Variants in ADRA1A observed in about 807,000 individuals in gnomAD.
ADRA1A encodes alpha-1A adrenergic receptor.
ADRA1A carries 31 observed loss-of-function variants against 29.6 expected under a neutral mutation model. That is an observed-to-expected ratio of 1.05 (90% CI 0.79 to 1.41). ADRA1A has a LOEUF of 1.41. ADRA1A is among the 40% of genes most tolerant of loss of function. The probability of loss-of-function intolerance (pLI) is 0.00; values close to 1 mark genes in which losing one functional copy is unlikely to be tolerated. For missense variants in ADRA1A, 619 were observed against 601.1 expected (o/e 1.03, Z -0.31); for synonymous variants, 311 against 254.3 (o/e 1.22, Z -2.12).
intron 2 of ADRA1A, among the ~76,000 whole-genome samples, chr8:26,783,975 A>G (rs1333183140): frequency 2.2e-5 from 3 of 137,172 alleles, no homozygotes; most frequent in Admixed American, 2.2e-4. Flanking sequence ...TGGGAGCTGA[A>G]TGAACACAGG....
chr8:26,806,784 A>C lies in ADRA1A; in HGVS notation c.884-36118T>G, dbSNP rs367667757. 6.6e-6 allele frequency among the ~76,000 whole-genome samples: 1 copy of C among 152,188 alleles called. No homozygotes were observed. The highest frequency in any genetic ancestry group is 2.4e-5 in the African/African-American group (1 of 41,434). ...AGCACGTGCAGTGGCTGCTGCTAGA[A>C]GTGGCCTCATGGAACATCCTAGAAA... On this transcript the variant is annotated intron_variant, in intron 2 of 2. Coordinates refer to ENST00000380573, the MANE Select transcript of ADRA1A (RefSeq NM_000680.4). The surrounding 1 kb of genome is among the most constrained non-coding windows in gnomAD (Gnocchi z 4.6).
chr8:26,796,226 A>G lies in ADRA1A; in HGVS notation c.884-25560T>C, dbSNP rs1808185821. On this transcript the variant is annotated intron_variant, in intron 2 of 2. Coordinates refer to ENST00000380573, the MANE Select transcript of ADRA1A (RefSeq NM_000680.4). The surrounding 1 kb of genome is among the most constrained non-coding windows in gnomAD (Gnocchi z 5.0). ...CAATTATTAAAATTGGGTTATAGGT[A>G]CATCAGCTTCATTACATGATTGTCT... 6.6e-6 allele frequency among the ~76,000 whole-genome samples: 1 copy of G among 152,198 alleles called. No homozygotes were observed. Among genetic ancestry groups the G allele is most frequent in the African/African-American group, 2.4e-5 (1 of 41,458 alleles).
intron 2 of ADRA1A, among the ~76,000 whole-genome samples, chr8:26,818,907 A>G (rs1312297838): frequency 2.0e-5 from 3 of 152,174 alleles, no homozygotes; most frequent in African/African-American, 7.2e-5. Context: ...AGAGAGAGAA[A>G]GCGGCAGAAA....
At chr8:26,793,815 G>C (rs147377301) in intron 2 of ADRA1A, among the ~76,000 whole-genome samples, 113 of 151,996 alleles carry the variant, frequency 7.4e-4, no homozygotes, top group African/African-American at 2.7e-3. Context: ...TTTATCCTTA[G>C]AAACTGTTGG....
chr8:26,814,408 G>C (rs555763984), intron 2 of ADRA1A, among the ~76,000 whole-genome samples: 38 of 152,210 alleles, frequency 2.5e-4, no homozygotes, highest in Non-Finnish European at 4.6e-4. Flanking sequence ...CTTCAGGTGT[G>C]AGCCACCACA....
At chr8:26,764,502 T>C (rs1805669974), downstream of ADRA1A, among the ~76,000 whole-genome samples, 1 of 151,668 alleles carries the variant, frequency 6.6e-6, no homozygotes, top group African/African-American at 2.4e-5. Flanking sequence ...GACAAATGAG[T>C]GAGATATGAA....
At chr8:26,781,489 A>G (rs1456010555) in intron 2 of ADRA1A, among the ~76,000 whole-genome samples, 1 of 152,188 alleles carries the variant, frequency 6.6e-6, no homozygotes, top group Non-Finnish European at 1.5e-5. Flanking sequence ...TCAATTACTC[A>G]CAGCTGGAGA....
At chr8:26,774,697 C>A (rs933431054) in intron 2 of ADRA1A, among the ~76,000 whole-genome samples, 2 of 151,390 alleles carry the variant, frequency 1.3e-5, no homozygotes, top group African/African-American at 4.9e-5. Context: ...AGCAAAAGAA[C>A]TGCTCCTCTC....
intron 2 of ADRA1A, among the ~76,000 whole-genome samples, chr8:26,842,822 C>G (rs923038430): frequency 6.6e-6 from 1 of 150,424 alleles, no homozygotes; most frequent in African/African-American, 2.4e-5. Flanking sequence ...ATTGTCCCAC[C>G]AAGTCTGGTT....
At chr8:26,861,500 C>T (rs1323265551) in intron 2 of ADRA1A, among the ~76,000 whole-genome samples, 1 of 152,018 alleles carries the variant, frequency 6.6e-6, no homozygotes, top group Non-Finnish European at 1.5e-5. Flanking sequence ...CTCTTGTCAA[C>T]CTCTCCATTC....
chr8:26,750,256 C>T (rs186228971), intron 2 of ADRA1A, among the ~76,000 whole-genome samples: 1 of 152,172 alleles, frequency 6.6e-6, no homozygotes, highest in East Asian at 1.9e-4. Context: ...GGCTGGAGTG[C>T]AGTGGCATGA....
At chr8:26,777,301 C>T (rs932746519) in intron 2 of ADRA1A, among the ~76,000 whole-genome samples, 2 of 152,194 alleles carry the variant, frequency 1.3e-5, no homozygotes, top group African/African-American at 4.8e-5. Flanking sequence ...AGACAGACTT[C>T]CCATGACTGA....
At position 26,779,243 on chromosome 8, in the gene ADRA1A, T is replaced by G. The variant is rs964187383; in HGVS notation, c.884-8577A>C. 8.6e-6 allele frequency: 6 copies of G among 698,780 alleles called. No individual in the cohort carries two copies. The African/African-American group carries it at 1.1e-4, about 12-fold the overall frequency. 43.3% of individuals were successfully genotyped at this position (698,780 alleles called of 1,614,324 possible). A position where few individuals can be genotyped will look rare whatever the true frequency, so the allele number is the denominator to read the frequency against. On this transcript the variant is annotated intron_variant, in intron 2 of 2. Transcript: ENST00000380573. ...AGTTCCTGCCAGAAGAATATGTATC[T>G]AGTTCCTTCTCCCTTTTTTTTGCCT...
intron 2 of ADRA1A, among the ~76,000 whole-genome samples, chr8:26,788,633 G>A (rs1185173186): frequency 6.6e-6 from 1 of 152,094 alleles, no homozygotes; most frequent in Admixed American, 6.6e-5. Flanking sequence ...ACCATGTAAG[G>A]TAGGCATTGT....
chr8:26,811,589 C>A (rs905920269), intron 2 of ADRA1A, among the ~76,000 whole-genome samples: 4 of 152,192 alleles, frequency 2.6e-5, no homozygotes, highest in African/African-American at 9.7e-5. Context: ...CTCAGAAAAC[C>A]TTTCTCAACT....
At chr8:26,809,145 C>G (rs916115524) in intron 2 of ADRA1A, among the ~76,000 whole-genome samples, 1 of 152,190 alleles carries the variant, frequency 6.6e-6, no homozygotes, top group Non-Finnish European at 1.5e-5. Context: ...TTTCAACGGG[C>G]ATTTCCAATC....
At chr8:26,781,922 C>T (rs1383831257) in intron 2 of ADRA1A, among the ~76,000 whole-genome samples, 1 of 152,200 alleles carries the variant, frequency 6.6e-6, no homozygotes, top group Non-Finnish European at 1.5e-5. Context: ...GGTGAGTTGG[C>T]TGATGCTTGA....
At chr8:26,839,648 T>C (rs913508795) in intron 2 of ADRA1A, among the ~76,000 whole-genome samples, 6 of 152,204 alleles carry the variant, frequency 3.9e-5, no homozygotes, top group Non-Finnish European at 8.8e-5. Context: ...AAAGATATTT[T>C]GAGATCTTAG....
chr8:26,837,695 T>C (rs2322332), intron 2 of ADRA1A, among the ~76,000 whole-genome samples: 9,520 of 150,564 alleles, frequency 0.063, 332 homozygotes, highest in Non-Finnish European at 0.076. Context: ...CTAGATAGCC[T>C]GAGGCCTAAC....
Sources: gnomAD v4.1 joint callset for allele counts (sites outside exome capture counted in the v4.1 genomes callset) on GRCh38, gnomAD v4.1.1 for gene constraint, Gnocchi (gnomAD v3.1) non-coding constraint, MANE v1.5 for transcripts, NCBI Gene and HGNC (gene_info 2026-07-23, HGNC 2026-07-21) for gene names.